The following CERS6 variants were observed in gnomAD, a reference collection of about 807,000 sequenced individuals.
The protein encoded by CERS6 is LAG1 homolog, ceramide synthase 6.
Under a neutral mutation model 56.8 loss-of-function variants are expected in CERS6, and 26 were observed. The ratio of observed to expected loss-of-function variants is 0.46; its 90% CI spans 0.34 to 0.63. CERS6 has a LOEUF of 0.63. Ranked by LOEUF, CERS6 falls within the 30% of genes least tolerant of loss-of-function variation. The probability of loss-of-function intolerance (pLI) is 0.01; values close to 1 mark genes in which losing one functional copy is unlikely to be tolerated. For synonymous variants in CERS6, 164 were observed against 173.3 expected (o/e 0.95, Z 0.42); for missense variants, 415 against 467.5 (o/e 0.89, Z 1.04).
At chr2:168,640,653 A>G (rs1284948832) in intron 4 of CERS6, among the ~76,000 whole-genome samples, 1 of 152,244 alleles carries the variant, frequency 6.6e-6, no homozygotes, top group East Asian at 1.9e-4. Context: ...GTAGGAAGCT[A>G]TGGCTCCTGC....
rs1193358043 is a variant in CERS6 at position 168,668,593 on chromosome 2, C to A, written c.466-22441C>A. Among the ~76,000 whole-genome samples the A allele has an allele frequency of 4.6e-5, 7 of 151,852 alleles. No individual in the cohort carries two copies. In the East Asian group the frequency reaches 1.4e-3, roughly 29 times the overall value. On this transcript the variant is annotated intron_variant, in intron 4 of 9. Coordinates refer to ENST00000305747, the MANE Select transcript of CERS6 (RefSeq NM_203463.3). ...TCACGAGTAGCTGGGATTACAGGTA[C>A]CTGCCACCGTGCCCAGCCAATTATT...
chr2:168,736,471 G>A (rs1043513382), intron 8 of CERS6, among the ~76,000 whole-genome samples: 7 of 151,860 alleles, frequency 4.6e-5, no homozygotes, highest in South Asian at 4.2e-4. Flanking sequence ...CACTACAGGC[G>A]TGTCCACTGT....
intron 1 of CERS6, among the ~76,000 whole-genome samples, chr2:168,539,637 A>G (rs1444043886): frequency 2.6e-5 from 4 of 152,198 alleles, no homozygotes; most frequent in African/African-American, 7.2e-5. Context: ...CTAAACATGC[A>G]CCTGCATATT....
chr2:168,482,248 A>G (rs998905502), intron 1 of CERS6, among the ~76,000 whole-genome samples: 3 of 152,374 alleles, frequency 2.0e-5, no homozygotes, highest in South Asian at 2.1e-4. Context: ...ATTTAAATGC[A>G]TGCTAATTTC....
At chr2:168,668,039 A>G (rs1685808407) in intron 4 of CERS6, among the ~76,000 whole-genome samples, 1 of 152,190 alleles carries the variant, frequency 6.6e-6, no homozygotes, top group African/African-American at 2.4e-5. Flanking sequence ...GTAAGTTGTA[A>G]ATCGATTTGA....
At chr2:168,625,313 A>G (rs1684566068) in intron 3 of CERS6, among the ~76,000 whole-genome samples, 1 of 152,166 alleles carries the variant, frequency 6.6e-6, no homozygotes, top group Non-Finnish European at 1.5e-5. Context: ...AATTTCTATC[A>G]GATTGATTGA....
intron 8 of CERS6, among the ~76,000 whole-genome samples, chr2:168,737,264 G>A (rs1354573428): frequency 1.3e-5 from 2 of 152,164 alleles, no homozygotes; most frequent in Admixed American, 6.5e-5. Flanking sequence ...TTTCAAGACT[G>A]ATTCAATTAA....
At chr2:168,682,327 A>G (rs903876666) in intron 4 of CERS6, among the ~76,000 whole-genome samples, 1 of 152,164 alleles carries the variant, frequency 6.6e-6, no homozygotes. Flanking sequence ...AAAAATAAAA[A>G]TCCCCTGAAA....
rs539671537 is a variant in CERS6 at position 168,603,115 on chromosome 2, C to T, written c.408-27870C>T. ...TTTCTTTATTACTCAGTTGCTGCTC[C>T]TTGGGTTTGCCCTTTAAATGTCAGG... On this transcript the variant is annotated intron_variant, in intron 3 of 9. Coordinates refer to ENST00000305747, the MANE Select transcript of CERS6 (RefSeq NM_203463.3). Among the ~76,000 whole-genome samples the T allele has an allele frequency of 3.3e-4, 51 of 152,298 alleles. 1 individual carries two copies. In the South Asian group the frequency reaches 0.011, roughly 32 times the overall value.
chr2:168,517,595 C>T (rs1442067646), intron 1 of CERS6, among the ~76,000 whole-genome samples: 1 of 151,844 alleles, frequency 6.6e-6, no homozygotes, highest in African/African-American at 2.4e-5. Flanking sequence ...AAAGCTGTCT[C>T]TACTGTTTTA....
intron 1 of CERS6, among the ~76,000 whole-genome samples, chr2:168,522,138 A>G (rs1327406369): frequency 6.6e-6 from 1 of 152,172 alleles, no homozygotes; most frequent in East Asian, 1.9e-4. Context: ...ATAGGTCTGG[A>G]TATAGTTTTA....
chr2:168,600,063 C>T (rs1683895162), intron 3 of CERS6, among the ~76,000 whole-genome samples: 1 of 152,128 alleles, frequency 6.6e-6, no homozygotes, highest in Non-Finnish European at 1.5e-5. Flanking sequence ...ACGCTGAAGG[C>T]TCTAATATAT....
At chr2:168,669,277 AAG>A (rs1283205888) in intron 4 of CERS6, among the ~76,000 whole-genome samples, 2 of 152,152 alleles carry the variant, frequency 1.3e-5, no homozygotes, top group Non-Finnish European at 2.9e-5. Flanking sequence ...AATTCCCCAA[AAG>A]GAGGAAAAGG....
chr2:168,715,052 T>G lies in CERS6; in HGVS notation c.661T>G (p.Phe221Val). 1 of 1,611,078 alleles carries G rather than the reference T, an allele frequency of 6.2e-7. No homozygotes were observed. Among genetic ancestry groups the G allele is most frequent in the Non-Finnish European group, 8.5e-7 (1 of 1,178,460 alleles). The change falls in exon 7 of 10, where the codon TTT (phenylalanine) becomes GTT (valine). Residue 221 changes from phenylalanine to valine, a missense_variant. Physicochemically the swap from Phe to Val is conservative, Grantham distance 50 (BLOSUM62 -1). Transcript: ENST00000305747. Reference sequence around the variant, plus strand: ...CCTTGTATCTATTTTCTTGATTACCTTTTCATATGTCAACAATATGGCCCG... The same window carrying G: ...CCTTGTATCTATTTTCTTGATTACCGTTTCATATGTCAACAATATGGCCCG... The part of the protein sequence containing the change: ...HHLVSIFLIT[F>V]SYVNNMARVG...
Position 168,690,665 on chromosome 2 carries a change from A to G in CERS6, c.466-369A>G, listed in dbSNP as rs145448640. 4.2e-3 allele frequency among the ~76,000 whole-genome samples: 646 copies of G among 152,266 alleles called. 5 individuals are homozygous for G. Among genetic ancestry groups the G allele is most frequent in the African/African-American group, 0.015 (611 of 41,552 alleles). On this transcript the variant is annotated intron_variant, in intron 4 of 9. Transcript: ENST00000305747. ...TTTATACTAGCTGTCATCAATGTTT[A>G]TAGATAAGAGTGAGATGGAGGATTT... is the stretch of plus-strand genomic sequence containing the variant.
chr2:168,749,999 G>A (rs554761186), intron 8 of CERS6, among the ~76,000 whole-genome samples: 17 of 152,326 alleles, frequency 1.1e-4, no homozygotes, highest in South Asian at 8.3e-4. Context: ...TAGGGAAAGC[G>A]TAGTAACTTG....
intron 4 of CERS6, among the ~76,000 whole-genome samples, chr2:168,673,939 A>G (rs958752437): frequency 3.9e-5 from 6 of 152,294 alleles, no homozygotes; most frequent in South Asian, 4.1e-4. Context: ...TTCCATGGCC[A>G]TATGCGATCA....
chr2:168,713,062 G>A (rs545596038), intron 6 of CERS6, among the ~76,000 whole-genome samples: 41 of 151,712 alleles, frequency 2.7e-4, no homozygotes, highest in African/African-American at 9.4e-4. Context: ...GATTATACAG[G>A]TTCCACAAGG....
rs527661087 is a variant in CERS6 at position 168,659,531 on chromosome 2, A to G, written c.465+28489A>G. On this transcript the variant is annotated intron_variant, in intron 4 of 9. Transcript: ENST00000305747. ...TTCTACTTTAACTAGGTAAATTATCATAAGATGTAGAAAGAAAAGAAAGGT... is the reference window on the plus strand; with the variant it reads ...TTCTACTTTAACTAGGTAAATTATCGTAAGATGTAGAAAGAAAAGAAAGGT... Among the ~76,000 whole-genome samples the G allele has an allele frequency of 3.0e-4, 45 of 152,340 alleles. No homozygotes were observed. In the South Asian group the frequency reaches 6.6e-3, roughly 22 times the overall value.
Sources: gnomAD v4.1 joint callset for allele counts (sites outside exome capture counted in the v4.1 genomes callset) on GRCh38, gnomAD v4.1.1 for gene constraint, MANE v1.5 for transcripts, NCBI Gene and HGNC (gene_info 2026-07-23, HGNC 2026-07-21) for gene names.